The following WNK3 variants were observed in gnomAD, a reference collection of about 807,000 sequenced individuals.
WNK3 encodes WNK lysine deficient protein kinase 3, also known as serine/threonine-protein kinase WNK3.
In WNK3, 18 loss-of-function variants were observed where a neutral mutation model predicts 116.7. The ratio of observed to expected loss-of-function variants is 0.15; its 90% CI spans 0.11 to 0.23. The LOEUF is 0.23. Ranked by LOEUF, WNK3 falls within the 10% of genes least tolerant of loss-of-function variation. The probability of loss-of-function intolerance (pLI) is 1.00; values close to 1 mark genes in which losing one functional copy is unlikely to be tolerated. For missense variants in WNK3, 993 were observed against 1,323.8 expected (o/e 0.75, Z 3.88); for synonymous variants, 404 against 469.4 (o/e 0.86, Z 1.80).
At chrX:54,345,273 AC>A (rs782702578) in intron 1 of WNK3, among the ~76,000 whole-genome samples, 4,934 of 77,485 alleles carry the variant, frequency 0.064, 146 homozygotes, top group Admixed American at 0.1. Flanking sequence ...AACAACAACA[AC>A]TATATATATA....
rs1278908265 is a variant in WNK3 at position 54,295,054 on chromosome X, G to GC, written c.1399-208dup. 1.0e-4 allele frequency among the ~76,000 whole-genome samples: 11 copies of GC among 108,280 alleles called. No individual in the cohort carries two copies. In the East Asian group the frequency reaches 2.3e-3, roughly 23 times the overall value. The allele number at this position is 108,280 out of a possible 115,157, so 94.0% of individuals were successfully genotyped here. A position where few individuals can be genotyped will look rare whatever the true frequency, so the allele number is the denominator to read the frequency against. ...TGGGATTACAGGTGCCCGCCACCAC[G>GC]CCCAGCTAATTTTTTTGTATTTTTA... On this transcript the variant is annotated intron_variant, in intron 7 of 23. Coordinates refer to ENST00000354646, the Ensembl canonical transcript of WNK3.
At chrX:54,253,795 A>T (rs183616791) in intron 13 of WNK3, among the ~76,000 whole-genome samples, 164 bp downstream of exon 13, 90 of 112,139 alleles carry the variant, frequency 8.0e-4, no homozygotes, top group African/African-American at 2.9e-3. Context: ...AAACCGGAGG[A>T]GATGCAGTGA....
exon 24 of WNK3, chrX:54,196,353 G>A (rs187877073): frequency 5.3e-4 from 57 of 107,316 alleles, no homozygotes; most frequent in African/African-American, 1.6e-3. Context: ...AAATTATAGC[G>A]ACAGAATCTT....
Position 54,298,158 on chromosome X carries a change from T to C in WNK3, c.1398+17A>G, listed in dbSNP as rs1557166718. The C allele has an allele frequency of 9.7e-7, 1 of 1,028,854 alleles. No homozygotes were observed. The allele number at this position is 1,028,854 out of a possible 1,213,427, so 84.8% of individuals were successfully genotyped here. On this transcript the variant is annotated intron_variant, in intron 7 of 23. Coordinates refer to ENST00000354646, the Ensembl canonical transcript of WNK3. ...ATACAATAAGAGGTGAGGGGAATAG[T>C]GGTATGATTAACTTACCATTTCATA...
At chrX:54,240,390 T>C (rs2068010835) in intron 17 of WNK3, among the ~76,000 whole-genome samples, 1 of 111,689 alleles carries the variant, frequency 9.0e-6, no homozygotes, top group Non-Finnish European at 1.9e-5. Context: ...CAGTTTTTAC[T>C]TTCTGAAGTC....
At chrX:54,196,631 C>T (rs1557140213) in exon 24 of WNK3, 1 of 111,251 alleles carries the variant, frequency 9.0e-6, no homozygotes, top group African/African-American at 3.3e-5. Context: ...TTAGAAATGA[C>T]CTTAAAGTCT....
chrX:54,267,733 T>C (rs1569537195), intron 10 of WNK3, among the ~76,000 whole-genome samples: 1 of 109,113 alleles, frequency 9.2e-6, no homozygotes, highest in Non-Finnish European at 1.9e-5. Flanking sequence ...GAGGCGGAGG[T>C]TGCAGTGAGC....
intron 2 of WNK3, among the ~76,000 whole-genome samples, chrX:54,320,244 G>C (rs1557171896): frequency 1.8e-5 from 2 of 111,418 alleles, no homozygotes; most frequent in African/African-American, 6.5e-5. Context: ...CACAATACCA[G>C]TATGACCAAC....
chrX:54,236,786 A>G, intron 20 of WNK3, 152 bp downstream of exon 20: 1 of 656,978 alleles, frequency 1.5e-6, no homozygotes, highest in Non-Finnish European at 2.2e-6. Context: ...ATATATAAGA[A>G]CTTTTTCTCA....
At chrX:54,210,618 C>A (rs1314953288) in intron 22 of WNK3, among the ~76,000 whole-genome samples, 3 of 111,469 alleles carry the variant, frequency 2.7e-5, no homozygotes, top group Non-Finnish European at 3.8e-5. Flanking sequence ...CAAAGCAAGA[C>A]CCTGTCTCTA....
chrX:54,212,228 GAAC>G (rs1815558398), intron 22 of WNK3, among the ~76,000 whole-genome samples: 2 of 111,393 alleles, frequency 1.8e-5, no homozygotes, highest in South Asian at 3.7e-4. Flanking sequence ...TCCGTCTCAA[GAAC>G]AACAACAACA....
rs782365217 is a variant in WNK3 at position 54,262,959 on chromosome X, G to T, written c.2038-3621C>A. Among the ~76,000 whole-genome samples, 14 of 106,320 alleles carry T rather than the reference G, an allele frequency of 1.3e-4. No homozygotes were observed. In the East Asian group the frequency reaches 3.5e-3, roughly 27 times the overall value. 92.3% of individuals were successfully genotyped at this position (106,320 alleles called of 115,157 possible). On this transcript the variant is annotated intron_variant, in intron 10 of 23. Coordinates refer to ENST00000354646, the Ensembl canonical transcript of WNK3. ...AAAAAAAAAAAAAAAGAAAAGAAAA[G>T]TAGATACAGCTACTTCTGCTGGGGC... is the stretch of plus-strand genomic sequence containing the variant.
At chrX:54,213,553 C>CA (rs782580375) in intron 22 of WNK3, among the ~76,000 whole-genome samples, 392 of 13,910 alleles carry the variant, frequency 0.028, 86 homozygotes, top group African/African-American at 0.19. Flanking sequence ...GACTCCGTCT[C>CA]AAAAAAAAAA....
intron 22 of WNK3, among the ~76,000 whole-genome samples, chrX:54,222,396 T>TC (rs2067773698): frequency 9.5e-6 from 1 of 105,270 alleles, no homozygotes; most frequent in African/African-American, 3.5e-5. Flanking sequence ...AAAAAAAAAT[T>TC]TTTTTTTTTT....
chrX:54,298,152 G>A (rs1190663395), intron 7 of WNK3, 23 bp downstream of exon 7: 2 of 982,549 alleles, frequency 2.0e-6, no homozygotes, highest in Middle Eastern at 3.1e-4. Flanking sequence ...GAGGTGAGGG[G>A]AATAGTGGTA....
intron 2 of WNK3, among the ~76,000 whole-genome samples, chrX:54,320,857 G>A (rs1289497232): frequency 2.7e-5 from 3 of 110,065 alleles, no homozygotes; most frequent in East Asian, 2.8e-4. Flanking sequence ...ACTAAAATGC[G>A]TCACATGCTT....
In WNK3 at chrX:54,261,626, A is replaced by G. The variant is rs1044916842; in HGVS notation, c.2038-2288T>C. On this transcript the variant is annotated intron_variant, in intron 10 of 23. Transcript: ENST00000354646. ...TATTCTTTGAGACCATTTTCTGTAC[A>G]CAAACACACACACACACACACGTTT... Among the ~76,000 whole-genome samples, 3 of 111,762 alleles carry G rather than the reference A, an allele frequency of 2.7e-5. No individual in the cohort carries two copies. In the East Asian group the frequency reaches 8.4e-4, roughly 31 times the overall value.
In WNK3 at chrX:54,294,747, G is replaced by A. The variant is rs782407317; in HGVS notation, c.1499C>T (p.Ala500Val). ...ATCCCTGCGTTCTTCCAAACAGCCA[G>A]CAGGCTTCTTCTCTCTTGTCTTCTT... Residue 500 changes from alanine (A) to valine (V), a missense_variant, in exon 8 of 24, where the codon GCT (alanine) becomes GTT (valine). By Grantham distance (64) the Ala-to-Val change is moderately conservative. Coordinates refer to ENST00000354646, the Ensembl canonical transcript of WNK3. The A allele has an allele frequency of 5.8e-6, 7 of 1,209,091 alleles. No homozygotes were observed. In the African/African-American group the frequency reaches 7.0e-5, roughly 12 times the overall value.
At chrX:54,344,992 G>A (rs782213254) in intron 1 of WNK3, among the ~76,000 whole-genome samples, 31 of 108,215 alleles carry the variant, frequency 2.9e-4, no homozygotes, top group African/African-American at 1.0e-3. Context: ...GCTCCCGCCT[G>A]TAATCCCAGC....
Sources: allele counts gnomAD v4.1 joint callset (sites outside exome capture counted in the v4.1 genomes callset), GRCh38; gene constraint gnomAD v4.1.1; transcripts MANE v1.5; gene names NCBI Gene and HGNC (gene_info 2026-07-23, HGNC 2026-07-21).